The following MNAT1 variants were observed in gnomAD, a reference collection of about 807,000 sequenced individuals.
The protein encoded by MNAT1 is CDK-activating kinase assembly factor MAT1.
Under a neutral mutation model 42.0 loss-of-function variants are expected in MNAT1, and 43 were observed. That is an observed-to-expected ratio of 1.02 (90% CI 0.80 to 1.32). The LOEUF (loss-of-function observed/expected upper bound fraction) is 1.32. Among genes scored for constraint, MNAT1 ranks in the 40% most tolerant of loss-of-function variants. The probability of loss-of-function intolerance (pLI) is 0.00; values close to 1 mark genes in which losing one functional copy is unlikely to be tolerated. For missense variants in MNAT1, 306 were observed against 350.4 expected (o/e 0.87, Z 1.01); for synonymous variants, 118 against 120.0 (o/e 0.98, Z 0.11).
intron 7 of MNAT1, among the ~76,000 whole-genome samples, chr14:60,965,048 G>C (rs1310504383): frequency 2.6e-5 from 4 of 152,168 alleles, no homozygotes; most frequent in Admixed American, 6.5e-5. Flanking sequence ...CACAGTAACA[G>C]TTTTGTGCAG....
chr14:60,918,481 T>C (rs1211659034), intron 7 of MNAT1, among the ~76,000 whole-genome samples: 1 of 151,674 alleles, frequency 6.6e-6, no homozygotes, highest in Non-Finnish European at 1.5e-5. Flanking sequence ...GTGGTGGGAT[T>C]AGAGGCATGA....
chr14:60,809,665 A>G (rs1304557860), intron 4 of MNAT1, among the ~76,000 whole-genome samples: 2 of 152,076 alleles, frequency 1.3e-5, no homozygotes, highest in African/African-American at 4.8e-5. Flanking sequence ...ATATTAATTG[A>G]TTTTGTATGT....
At chr14:60,806,041 A>G (rs2032358710) in intron 3 of MNAT1, among the ~76,000 whole-genome samples, 1 of 152,144 alleles carries the variant, frequency 6.6e-6, no homozygotes. Context: ...CCAGCATTTT[A>G]TGTTGTCATT....
chr14:60,928,049 C>T (rs1473980672), intron 7 of MNAT1, among the ~76,000 whole-genome samples: 2 of 152,188 alleles, frequency 1.3e-5, no homozygotes, highest in African/African-American at 2.4e-5. Flanking sequence ...CATCACCAGA[C>T]TTGGGCAACC....
chr14:60,739,906 C>G (rs1461811808), intron 1 of MNAT1, among the ~76,000 whole-genome samples: 1 of 152,226 alleles, frequency 6.6e-6, no homozygotes, highest in African/African-American at 2.4e-5. Context: ...GTAATCCCAG[C>G]ACTTTGGGAG....
chr14:60,817,782 C>A (rs185687282), intron 5 of MNAT1, among the ~76,000 whole-genome samples: 4 of 152,006 alleles, frequency 2.6e-5, no homozygotes, highest in African/African-American at 7.2e-5. Flanking sequence ...CCTCTTTGAA[C>A]AATATGTTTT....
chr14:60,773,159 G>A (rs1594742881), intron 1 of MNAT1, among the ~76,000 whole-genome samples: 1 of 152,070 alleles, frequency 6.6e-6, no homozygotes, highest in East Asian at 1.9e-4. Flanking sequence ...GGATGGTCTC[G>A]ATCTCCTAAC....
intron 7 of MNAT1, among the ~76,000 whole-genome samples, chr14:60,956,999 ATAGG>A: frequency 6.6e-6 from 1 of 152,266 alleles, no homozygotes; most frequent in East Asian, 1.9e-4. Context: ...GTAATGATTG[ATAGG>A]TAAAGATTTA....
chr14:60,838,966 A>G (rs2033472679), intron 6 of MNAT1, among the ~76,000 whole-genome samples: 1 of 152,026 alleles, frequency 6.6e-6, no homozygotes, highest in Admixed American at 6.5e-5. Context: ...TTGGGGAATG[A>G]GGAGCATGAG....
intron 1 of MNAT1, among the ~76,000 whole-genome samples, chr14:60,751,353 C>T (rs1181703129): frequency 1.3e-5 from 2 of 152,010 alleles, no homozygotes; most frequent in African/African-American, 2.4e-5. Flanking sequence ...TTTTGATCTA[C>T]TTAGAACAAT....
chr14:60,890,891 C>A (rs923313621), intron 7 of MNAT1, among the ~76,000 whole-genome samples: 1 of 152,328 alleles, frequency 6.6e-6, no homozygotes, highest in Admixed American at 6.5e-5. Flanking sequence ...CTCACAGACA[C>A]ACCCAGGAAC....
intron 1 of MNAT1, chr14:60,780,272 A>G: frequency 1.4e-6 from 2 of 1,454,322 alleles, no homozygotes; most frequent in East Asian, 2.3e-5. Flanking sequence ...GGTCCTGGAA[A>G]GATGACAGTT....
At chr14:60,886,333 G>C (rs556038088) in intron 7 of MNAT1, among the ~76,000 whole-genome samples, 1 of 151,962 alleles carries the variant, frequency 6.6e-6, no homozygotes, top group Admixed American at 6.6e-5. Flanking sequence ...TACTGCTTTT[G>C]GTAGTATGGA....
chr14:60,839,299 A>G lies in MNAT1; in HGVS notation c.687+20452A>G, dbSNP rs538498084. Among the ~76,000 whole-genome samples the G allele has an allele frequency of 2.0e-5, 3 of 152,256 alleles. No individual in the cohort carries two copies. In the South Asian group the frequency reaches 6.2e-4, roughly 32 times the overall value. Reference sequence around the variant, plus strand: ...AAAAATCCCAGACCCAGCCAGACTCACACAGACGTTGGGACTACCAGCTGT... The same window carrying G: ...AAAAATCCCAGACCCAGCCAGACTCGCACAGACGTTGGGACTACCAGCTGT... On this transcript the variant is annotated intron_variant, in intron 6 of 7. Transcript: ENST00000261245.
chr14:60,918,901 A>G (rs542914721), intron 7 of MNAT1, among the ~76,000 whole-genome samples: 1 of 151,992 alleles, frequency 6.6e-6, no homozygotes, highest in African/African-American at 2.4e-5. Flanking sequence ...ATTGTGCACA[A>G]TATATTGGTA....
At chr14:60,846,382 A>C (rs916720902) in intron 6 of MNAT1, among the ~76,000 whole-genome samples, 4 of 152,020 alleles carry the variant, frequency 2.6e-5, no homozygotes, top group Middle Eastern at 3.4e-3. Flanking sequence ...CCTTGGTTTT[A>C]AGAATTTTTA....
intron 7 of MNAT1, among the ~76,000 whole-genome samples, chr14:60,901,814 G>A (rs1314369834): frequency 2.0e-5 from 3 of 152,304 alleles, no homozygotes; most frequent in South Asian, 2.1e-4. Flanking sequence ...CTGACTCTCA[G>A]GGATGAGTAA....
At chr14:60,894,308 T>C (rs1189961043) in intron 7 of MNAT1, among the ~76,000 whole-genome samples, 1 of 152,016 alleles carries the variant, frequency 6.6e-6, no homozygotes, top group East Asian at 1.9e-4. Flanking sequence ...TTATTTCCTC[T>C]TGCATTTAGT....
At chr14:60,943,053 C>T (rs868708815) in intron 7 of MNAT1, among the ~76,000 whole-genome samples, 26 of 53,112 alleles carry the variant, frequency 4.9e-4, no homozygotes, top group African/African-American at 6.7e-4. Context: ...TGTGTGTGCG[C>T]TTTTTTTTTT....
Sources: gnomAD v4.1 joint callset for allele counts (sites outside exome capture counted in the v4.1 genomes callset) on GRCh38, gnomAD v4.1.1 for gene constraint, MANE v1.5 for transcripts, NCBI Gene and HGNC (gene_info 2026-07-23, HGNC 2026-07-21) for gene names.